The following DOCK8 variants were observed in gnomAD, a reference collection of about 807,000 sequenced individuals.
DOCK8 encodes the protein dedicator of cytokinesis 8.
Under a neutral mutation model 245.6 loss-of-function variants are expected in DOCK8, and 141 were observed. The ratio of observed to expected loss-of-function variants is 0.57; its 90% CI spans 0.50 to 0.66. The LOEUF is 0.66. Ranked by LOEUF, DOCK8 falls within the 30% of genes least tolerant of loss-of-function variation. The probability of loss-of-function intolerance (pLI) is 0.00; values close to 1 mark genes in which losing one functional copy is unlikely to be tolerated. For synonymous variants in DOCK8, 1,168 were observed against 970.2 expected, an observed-to-expected ratio of 1.20 and a Z score of -3.79; for missense variants, 2,965 against 2,603.4, an observed-to-expected ratio of 1.14 and a Z score of -3.02.
intron 1 of DOCK8, among the ~76,000 whole-genome samples, chr9:231,774 C>T (rs559087625): frequency 6.6e-6 from 1 of 152,216 alleles, no homozygotes; most frequent in African/African-American, 2.4e-5. Flanking sequence ...GCTGAAGTTC[C>T]TTATCATCTT....
At position 379,818 on chromosome 9, in the gene DOCK8, A is replaced by G; in HGVS notation, c.2488A>G (p.Ser830Gly). The G allele has an allele frequency of 6.2e-7, 1 of 1,614,212 alleles. No individual in the cohort carries two copies. Among genetic ancestry groups the G allele is most frequent in the Non-Finnish European group, 8.5e-7 (1 of 1,180,028 alleles). Residue 830 changes from serine to glycine, a missense_variant, in exon 21 of 48, where the codon AGT becomes GGT. Ser to Gly is a moderately conservative substitution (Grantham distance 56). Transcript: ENST00000432829. ...AFESVVAIANSLHNSKDLSKD... is the reference protein window; with the variant it reads ...AFESVVAIANGLHNSKDLSKD... ...CGAGTCCGTGGTGGCCATCGCCAACAGTCTGCACAACAGCAAGGACCTGAG... is the reference window on the plus strand; with the variant it reads ...CGAGTCCGTGGTGGCCATCGCCAACGGTCTGCACAACAGCAAGGACCTGAG...
intron 18 of DOCK8, among the ~76,000 whole-genome samples, chr9:373,692 C>T (rs1184311323): frequency 6.6e-6 from 1 of 152,156 alleles, no homozygotes; most frequent in African/African-American, 2.4e-5. Flanking sequence ...GGCTGTTTTC[C>T]TCTTATTTTC....
intron 26 of DOCK8, among the ~76,000 whole-genome samples, chr9:404,309 A>G (rs1332668828): frequency 6.6e-6 from 1 of 152,020 alleles, no homozygotes; most frequent in African/African-American, 2.4e-5. Flanking sequence ...GATTTTTCCT[A>G]AAAACTCTTC....
chr9:441,169 C>T (rs956420909), intron 40 of DOCK8, 117 bp from the exon 41 acceptor site: 18 of 1,477,002 alleles, frequency 1.2e-5, no homozygotes, highest in Non-Finnish European at 1.6e-5. Flanking sequence ...CTGTGAAATA[C>T]TGTGATACAA....
rs150572503 is a variant in DOCK8, at chr9:284,291, G to A, written c.157-2170G>A. 581 of 152,350 alleles carry A rather than the reference G, an allele frequency of 3.8e-3. 3 individuals are homozygous for A. Among genetic ancestry groups the A allele is most frequent in the Non-Finnish European group, 5.8e-3 (393 of 68,054 alleles). 9.4% of individuals were successfully genotyped at this position (152,350 alleles called of 1,614,324 possible). On this transcript the variant is annotated intron_variant, in intron 2 of 47. Transcript: ENST00000432829. ...TGGCAGAGTTCACCAGTGTCCTAAT[G>A]CAAACTTAGTCCTCATCTGGCTCCT...
At chr9:214,477 A>G, upstream of DOCK8, 1 of 1,586,224 alleles carries the variant, frequency 6.3e-7, no homozygotes, top group South Asian at 1.1e-5. Context: ...GCCTTCTTCG[A>G]GAATGGTGTC....
At chr9:275,911 A>G (rs1203579716) in intron 2 of DOCK8, among the ~76,000 whole-genome samples, 4 of 100,528 alleles carry the variant, frequency 4.0e-5, no homozygotes, top group Non-Finnish European at 6.2e-5. Context: ...TTTTTTTTGT[A>G]ATGGAATTTC....
intron 9 of DOCK8, among the ~76,000 whole-genome samples, chr9:330,976 A>G (rs1008656641): frequency 4.6e-5 from 7 of 152,192 alleles, no homozygotes; most frequent in Admixed American, 2.6e-4. Flanking sequence ...GATACACACT[A>G]CTAGTGCATG....
intron 28 of DOCK8, among the ~76,000 whole-genome samples, chr9:411,244 C>G (rs1586952039): frequency 6.6e-6 from 1 of 152,046 alleles, no homozygotes; most frequent in East Asian, 1.9e-4. Context: ...GAAACCCCGT[C>G]TCTACTAAAA....
intron 14 of DOCK8, among the ~76,000 whole-genome samples, chr9:353,394 A>T (rs559357720): frequency 2.6e-5 from 4 of 152,230 alleles, no homozygotes; most frequent in African/African-American, 9.7e-5. Context: ...AAGAATGATA[A>T]AACAAGCATT....
chr9:238,434 A>G (rs1371455397), intron 1 of DOCK8, among the ~76,000 whole-genome samples: 1 of 152,218 alleles, frequency 6.6e-6, no homozygotes, highest in Non-Finnish European at 1.5e-5. Flanking sequence ...GTAGATACTC[A>G]AAAAAGAAAA....
At chr9:333,711 TAA>T (rs55808863) in intron 10 of DOCK8, among the ~76,000 whole-genome samples, 81 of 151,466 alleles carry the variant, frequency 5.3e-4, no homozygotes, top group African/African-American at 1.8e-3. Context: ...ATTTTTTTTT[TAA>T]AATCTGTCTT....
Position 377,187 on chromosome 9 carries a change from C to G in DOCK8, c.2416C>G (p.Pro806Ala). 1 of 1,599,108 alleles carries G rather than the reference C, an allele frequency of 6.3e-7. No individual in the cohort carries two copies. Among genetic ancestry groups the G allele is most frequent in the African/African-American group, 1.3e-5 (1 of 74,930 alleles). Residue 806 changes from proline to alanine, a missense_variant, in exon 20 of 48, where the codon CCC becomes GCC. This residue lies in a region of DOCK8 where 2,825 missense variants were observed against 2,453.5 expected (regional missense o/e 1.15). Coordinates refer to ENST00000432829, the MANE Select transcript of DOCK8 (RefSeq NM_203447.4). The stretch of plus-strand genomic sequence containing the variant: ...CAAGCTCTTCCAGCTGTCCGTGCAG[C>G]CCATGGTCATCGCTGGCCAGACAGG... ...LDKLFQLSVQ[P>A]MVIAGQTANF...
chr9:278,371 A>G (rs1001888047), intron 2 of DOCK8, among the ~76,000 whole-genome samples: 6 of 152,280 alleles, frequency 3.9e-5, no homozygotes, highest in Non-Finnish European at 8.8e-5. Flanking sequence ...TAAAGATAGT[A>G]GAGAGCTTAC....
chr9:440,506 C>T (rs1297881161), intron 40 of DOCK8, among the ~76,000 whole-genome samples: 1 of 152,028 alleles, frequency 6.6e-6, no homozygotes, highest in African/African-American at 2.4e-5. Context: ...TAACTGTCTT[C>T]TCTCTATTCT....
chr9:393,792 G>A (rs1232091043), intron 24 of DOCK8, among the ~76,000 whole-genome samples: 1 of 152,206 alleles, frequency 6.6e-6, no homozygotes, highest in African/African-American at 2.4e-5. Flanking sequence ...ACCTAAGTCT[G>A]TCAGGTTCTG....
chr9:427,619 T>C (rs1334102028), intron 34 of DOCK8, among the ~76,000 whole-genome samples: 2 of 152,224 alleles, frequency 1.3e-5, no homozygotes, highest in African/African-American at 4.8e-5. Flanking sequence ...TTCTTACATG[T>C]TTCCATTGAG....
At chr9:365,231 C>A (rs184029378) in intron 14 of DOCK8, among the ~76,000 whole-genome samples, 1 of 152,158 alleles carries the variant, frequency 6.6e-6, no homozygotes, top group African/African-American at 2.4e-5. Flanking sequence ...GTGTAGAAGT[C>A]AAGATCTATT....
chr9:312,220 T>C (rs372228241), intron 6 of DOCK8, 54 bp downstream of exon 6: 20 of 1,579,174 alleles, frequency 1.3e-5, no homozygotes, highest in East Asian at 1.1e-4. Flanking sequence ...CTGAGAGTCA[T>C]GTGGACAATT....
Sources: gnomAD v4.1 joint callset for allele counts (sites outside exome capture counted in the v4.1 genomes callset) on GRCh38, gnomAD v4.1.1 for gene constraint, gnomAD v4.1.1 regional missense constraint, MANE v1.5 for transcripts, NCBI Gene and HGNC (gene_info 2026-07-23, HGNC 2026-07-21) for gene names.